The following KCNQ5 variants were observed in gnomAD, a reference collection of about 807,000 sequenced individuals.
KCNQ5 encodes potassium voltage-gated channel subfamily KQT member 5.
KCNQ5 carries 30 observed loss-of-function variants against 98.2 expected under a neutral mutation model. The ratio of observed to expected loss-of-function variants is 0.31; its 90% confidence interval spans 0.23 to 0.41. KCNQ5 has a LOEUF of 0.41. Ranked by LOEUF, KCNQ5 falls within the 10% of genes least tolerant of loss-of-function variation. KCNQ5 has a pLI of 1.00. For missense variants in KCNQ5, 835 were observed against 1,182.5 expected, an observed-to-expected ratio of 0.71 and a Z score of 4.31; for synonymous variants, 458 against 449.4, an observed-to-expected ratio of 1.02 and a Z score of -0.24.
intron 3 of KCNQ5, chr6:73,055,108 C>CAA (rs1772412570): frequency 9.4e-6 from 7 of 742,072 alleles, no homozygotes; most frequent in Non-Finnish European, 2.5e-6. Flanking sequence ...TGGCCACCTA[C>CAA]AAACTGGTGC....
intron 5 of KCNQ5, among the ~76,000 whole-genome samples, chr6:73,096,467 C>T (rs1206120821): frequency 6.6e-6 from 1 of 151,940 alleles, no homozygotes; most frequent in Non-Finnish European, 1.5e-5. Context: ...AAGAACCCTG[C>T]AGGCCATGGA....
chr6:72,939,772 A>C (rs376299058), intron 1 of KCNQ5, among the ~76,000 whole-genome samples: 1 of 152,140 alleles, frequency 6.6e-6, no homozygotes, highest in Non-Finnish European at 1.5e-5. Flanking sequence ...ACCTACCTAC[A>C]CATCTCCCAA....
chr6:72,757,635 G>A (rs1336641649), intron 1 of KCNQ5, among the ~76,000 whole-genome samples: 1 of 152,128 alleles, frequency 6.6e-6, no homozygotes, highest in African/African-American at 2.4e-5. Context: ...GGTACTTGAA[G>A]TATGGTTTCT....
intron 10 of KCNQ5, chr6:73,157,936 C>G: frequency 1.3e-6 from 1 of 772,108 alleles, no homozygotes; most frequent in Non-Finnish European, 2.4e-6. Context: ...GATCACAAAA[C>G]AGGCTGTCTC....
At chr6:73,077,547 T>C (rs1337018696) in intron 4 of KCNQ5, 50 bp downstream of exon 4, 4 of 1,537,284 alleles carry the variant, frequency 2.6e-6, no homozygotes, top group South Asian at 2.4e-5. Flanking sequence ...AACTTTTTCA[T>C]TGATCGCTGT....
At chr6:72,629,554 A>C (rs1254160983) in intron 1 of KCNQ5, among the ~76,000 whole-genome samples, 2 of 152,252 alleles carry the variant, frequency 1.3e-5, no homozygotes, top group Non-Finnish European at 2.9e-5. Flanking sequence ...AAGGACTGAT[A>C]CAAAAAAACA....
chr6:72,703,472 T>A (rs1768927931), intron 1 of KCNQ5, among the ~76,000 whole-genome samples: 1 of 152,226 alleles, frequency 6.6e-6, no homozygotes, highest in Non-Finnish European at 1.5e-5. Context: ...TCCAGTAGTG[T>A]TAATTTCTGA....
At chr6:72,986,808 A>G in intron 1 of KCNQ5, 1 of 1,345,302 alleles carries the variant, frequency 7.4e-7, no homozygotes, top group Non-Finnish European at 1.1e-6. Flanking sequence ...CTCAAATAAC[A>G]CAAGAAGGAA....
At chr6:73,050,884 G>C (rs538873976) in intron 3 of KCNQ5, among the ~76,000 whole-genome samples, 1 of 152,276 alleles carries the variant, frequency 6.6e-6, no homozygotes, top group Non-Finnish European at 1.5e-5. Context: ...TGATGCTCTT[G>C]AGATCCATCC....
chr6:73,038,352 T>G (rs116383840), intron 2 of KCNQ5, among the ~76,000 whole-genome samples: 103,492 of 147,570 alleles, frequency 0.7, 40,019 homozygotes, highest in Non-Finnish European at 0.88. Flanking sequence ...AACTGCATGT[T>G]TTTTTTTTCT....
At chr6:73,041,457 C>T (rs549710735) in intron 2 of KCNQ5, among the ~76,000 whole-genome samples, 32 of 152,242 alleles carry the variant, frequency 2.1e-4, no homozygotes, top group Non-Finnish European at 3.5e-4. Context: ...CAGTATACTT[C>T]GAAATATTTG....
intron 1 of KCNQ5, among the ~76,000 whole-genome samples, chr6:72,722,092 G>C (rs1228342439): frequency 6.6e-6 from 1 of 152,114 alleles, no homozygotes; most frequent in Admixed American, 6.6e-5. Flanking sequence ...TACAAGGAAG[G>C]GATCCTGAGC....
At chr6:73,186,660 G>A (rs1778581461) in intron 11 of KCNQ5, among the ~76,000 whole-genome samples, 1 of 152,138 alleles carries the variant, frequency 6.6e-6, no homozygotes, top group Non-Finnish European at 1.5e-5. Flanking sequence ...AGAGCCTAGA[G>A]AGTAACATAC....
intron 1 of KCNQ5, among the ~76,000 whole-genome samples, chr6:72,831,518 G>A (rs1582376318): frequency 1.3e-5 from 2 of 149,950 alleles, no homozygotes; most frequent in East Asian, 4.0e-4. Flanking sequence ...TCATAGGTGA[G>A]AAATGACCAA....
chr6:73,016,023 T>C (rs1562128304), intron 2 of KCNQ5, among the ~76,000 whole-genome samples: 1 of 152,098 alleles, frequency 6.6e-6, no homozygotes, highest in Non-Finnish European at 1.5e-5. Context: ...GAGATAGCAA[T>C]GAACAAAACA....
intron 1 of KCNQ5, among the ~76,000 whole-genome samples, chr6:72,868,936 G>T (rs917835095): frequency 6.6e-6 from 1 of 152,138 alleles, no homozygotes; most frequent in African/African-American, 2.4e-5. Context: ...CAGCACAACA[G>T]AACAATAATT....
chr6:73,129,849 G>A (rs775329502), intron 9 of KCNQ5: 2 of 1,612,052 alleles, frequency 1.2e-6, no homozygotes, highest in Non-Finnish European at 1.7e-6. Flanking sequence ...CGGAAGCAGA[G>A]GTACCCAGCA....
intron 2 of KCNQ5, among the ~76,000 whole-genome samples, chr6:73,039,124 T>G (rs1359806562): frequency 6.6e-6 from 1 of 152,150 alleles, no homozygotes; most frequent in African/African-American, 2.4e-5. Context: ...CAAGTGTATG[T>G]GCGTAAAGTT....
intron 1 of KCNQ5, among the ~76,000 whole-genome samples, chr6:72,665,683 CTG>C (rs1043204039): frequency 2.7e-4 from 41 of 152,282 alleles, no homozygotes; most frequent in African/African-American, 9.6e-4. Flanking sequence ...TGGATAGTCT[CTG>C]TTTTCAAATT....
Sources: gnomAD v4.1 joint callset for allele counts (sites outside exome capture counted in the v4.1 genomes callset) on GRCh38, gnomAD v4.1.1 for gene constraint, MANE v1.5 for transcripts, NCBI Gene and HGNC (gene_info 2026-07-23, HGNC 2026-07-21) for gene names.